Variants in ZC3H3 observed in about 807,000 individuals in gnomAD.
The protein encoded by ZC3H3 is zinc finger CCCH domain-containing protein 3.
ZC3H3 carries 36 observed loss-of-function variants against 77.3 expected under a neutral mutation model. The observed-to-expected ratio is 0.47, with a 90% CI of 0.36 to 0.61. The LOEUF (loss-of-function observed/expected upper bound fraction) is 0.61. ZC3H3 is among the 20% of genes least tolerant of loss of function. The probability of loss-of-function intolerance (pLI) is 0.00; values close to 1 mark genes in which losing one functional copy is unlikely to be tolerated. For missense variants in ZC3H3, 1,331 were observed against 1,312.2 expected (o/e 1.01, Z -0.22); for synonymous variants, 626 against 555.2 (o/e 1.13, Z -1.79).
intron 3 of ZC3H3, among the ~76,000 whole-genome samples, chr8:143,516,102 G>T (rs935689587): frequency 6.6e-6 from 1 of 152,228 alleles, no homozygotes; most frequent in Non-Finnish European, 1.5e-5. Flanking sequence ...TAAATGAGCC[G>T]CAATGGCAAC....
In ZC3H3 at chr8:143,460,249, AAAATAAATAAATAAATAAATAAAT is replaced by A. The variant is rs539928786; in HGVS notation, c.2307+5444_2307+5467del. On this transcript the variant is annotated intron_variant, in intron 9 of 11. Transcript: ENST00000262577. The surrounding 1 kb of genome is among the most constrained non-coding windows in gnomAD (Gnocchi z 4.0). ...GGCGACAGAGTGAGACTATGTCTCA[AAAATAAATAAATAAATAAATAAAT>A]AAATAAATAAATAAATAAAAGGCAT... 6.9e-6 allele frequency among the ~76,000 whole-genome samples: 1 copy of A among 144,118 alleles called. No homozygotes were observed. The highest frequency in any genetic ancestry group is 2.5e-5 in the African/African-American group (1 of 39,578). 94.5% of individuals were successfully genotyped at this position (144,118 alleles called of 152,430 possible).
intron 2 of ZC3H3, among the ~76,000 whole-genome samples, chr8:143,537,010 G>A (rs1320705036): frequency 2.0e-5 from 3 of 151,944 alleles, no homozygotes; most frequent in Non-Finnish European, 4.4e-5. Flanking sequence ...TCTGGGGGAC[G>A]AGGGCCAGAG....
chr8:143,442,444 G>C (rs369383537), intron 9 of ZC3H3, among the ~76,000 whole-genome samples: 1 of 118,668 alleles, frequency 8.4e-6, no homozygotes. Flanking sequence ...GGGGGGGGGG[G>C]GGGCAGGGGC....
At chr8:143,520,894 G>A in intron 3 of ZC3H3, among the ~76,000 whole-genome samples, 1 of 152,204 alleles carries the variant, frequency 6.6e-6, no homozygotes, top group East Asian at 1.9e-4. Context: ...TGCCTCGTTG[G>A]CTGGTGCTCT....
At chr8:143,498,162 G>A (rs1821408889) in intron 4 of ZC3H3, among the ~76,000 whole-genome samples, 1 of 152,184 alleles carries the variant, frequency 6.6e-6, no homozygotes, top group Middle Eastern at 3.2e-3. Flanking sequence ...CACCTGCCTG[G>A]GGGACCCTGG....
At chr8:143,449,341 C>T (rs1282370125) in intron 9 of ZC3H3, among the ~76,000 whole-genome samples, 1 of 152,208 alleles carries the variant, frequency 6.6e-6, no homozygotes, top group Non-Finnish European at 1.5e-5. Context: ...TAAGTTCCAG[C>T]TTGAGGTCAT....
Position 143,468,471 on chromosome 8 carries a change from G to A in ZC3H3, c.2016C>T (p.Tyr672=). The change falls in exon 7 of 12, where the codon TAC becomes TAT. Residue 672 remains tyrosine, a synonymous_variant. Coordinates refer to ENST00000262577, the MANE Select transcript of ZC3H3 (RefSeq NM_015117.3). ...TGCCGAAGCGGTTGTAGTACATGCA[G>A]TACTCCTTCCTCTTCTCCCTGCGCT... is the stretch of plus-strand genomic sequence containing the variant. ...ARQRREKRKE[Y]CMYYNRFGRC... 6.2e-7 allele frequency: 1 copy of A among 1,609,436 alleles called. No individual in the cohort carries two copies.
intron 3 of ZC3H3, among the ~76,000 whole-genome samples, chr8:143,531,373 T>C (rs541453735): frequency 2.5e-4 from 38 of 152,048 alleles, no homozygotes; most frequent in African/African-American, 8.9e-4. Context: ...CCCCCAGGAA[T>C]CCCCTGCCCC....
Position 143,541,444 on chromosome 8 carries a change from C to T in ZC3H3, c.-23G>A. 1 of 1,611,526 alleles carries T rather than the reference C, an allele frequency of 6.2e-7. No individual in the cohort carries two copies. The highest frequency in any genetic ancestry group is 8.5e-7 in the Non-Finnish European group (1 of 1,179,348). On this transcript the variant is annotated 5_prime_UTR_variant, in exon 1 of 12. Coordinates refer to ENST00000262577, the MANE Select transcript of ZC3H3 (RefSeq NM_015117.3). The stretch of plus-strand genomic sequence containing the variant: ...CATCTCCCGAGTCCGCGACGGCCGG[C>T]CAGGCCCCCACGACGTCATCGCTAC...
intron 11 of ZC3H3, 51 bp from the exon 12 acceptor site, chr8:143,438,138 C>T: frequency 1.3e-6 from 2 of 1,579,422 alleles, no homozygotes; most frequent in Non-Finnish European, 1.7e-6. Flanking sequence ...GGAAGAACCT[C>T]CCCAGCCTGC....
chr8:143,470,759 A>G (rs142905648), intron 5 of ZC3H3, among the ~76,000 whole-genome samples: 244 of 152,376 alleles, frequency 1.6e-3, no homozygotes, highest in Middle Eastern at 3.4e-3. Flanking sequence ...TTCTGACAAG[A>G]ACAGGAGGCA....
intron 4 of ZC3H3, among the ~76,000 whole-genome samples, chr8:143,507,478 C>T (rs1273520189): frequency 6.6e-6 from 1 of 152,264 alleles, no homozygotes; most frequent in African/African-American, 2.4e-5. Flanking sequence ...AGCTAATAGG[C>T]TTGCTGAGAA....
At chr8:143,455,502 C>T (rs895507871) in intron 9 of ZC3H3, among the ~76,000 whole-genome samples, 2 of 151,674 alleles carry the variant, frequency 1.3e-5, no homozygotes, top group South Asian at 2.1e-4. Flanking sequence ...CTCTGCCCCC[C>T]CTCCCCAAAA....
At chr8:143,466,533 T>C (rs1365305879) in intron 8 of ZC3H3, among the ~76,000 whole-genome samples, 2 of 152,136 alleles carry the variant, frequency 1.3e-5, no homozygotes, top group Non-Finnish European at 2.9e-5. Flanking sequence ...TTCCTCCCAT[T>C]TGGGGGAACC....
intron 3 of ZC3H3, among the ~76,000 whole-genome samples, chr8:143,529,005 G>C (rs553910922): frequency 5.1e-4 from 77 of 152,348 alleles, no homozygotes; most frequent in Middle Eastern, 3.4e-3. Flanking sequence ...CCATGGTGGC[G>C]GGGTGGCTGG....
At position 143,468,521 on chromosome 8, in the gene ZC3H3, G is replaced by GGCTGC; in HGVS notation, c.1961_1965dup (p.Leu656AlafsTer80). On this transcript the variant is annotated frameshift_variant, in exon 7 of 12. Coordinates refer to ENST00000262577, the MANE Select transcript of ZC3H3 (RefSeq NM_015117.3). LOFTEE classifies it high-confidence loss of function. ...TGCCGCGCCTGCCGGATGATGGCCA[G>GGCTGC]GCTGCGCTGCACTGCCCGGCTGCAG... 1.2e-6 allele frequency: 2 copies of GGCTGC among 1,608,972 alleles called. No individual in the cohort carries two copies. Among genetic ancestry groups the GGCTGC allele is most frequent in the Non-Finnish European group, 8.5e-7 (1 of 1,178,280 alleles).
rs1016680278 is a variant in ZC3H3 at position 143,494,782 on chromosome 8, G to A, written c.1715+12964C>T. Among the ~76,000 whole-genome samples, 6 of 152,326 alleles carry A rather than the reference G, an allele frequency of 3.9e-5. No homozygotes were observed. The South Asian group carries it at 8.3e-4, about 21-fold the overall frequency. On this transcript the variant is annotated intron_variant, in intron 4 of 11. Transcript: ENST00000262577. This position sits in a 1 kb window ranked among gnomAD's most constrained non-coding sequence, Gnocchi z 5.3. Reference sequence around the variant, plus strand: ...GCTGGCTCAGCAAGGTGGGGAAGGGGGCCTCCTGCAGTCAAGAATGAGGAG... The same window carrying A: ...GCTGGCTCAGCAAGGTGGGGAAGGGAGCCTCCTGCAGTCAAGAATGAGGAG...
intron 3 of ZC3H3, among the ~76,000 whole-genome samples, chr8:143,534,833 C>T (rs991685342): frequency 1.3e-5 from 2 of 152,120 alleles, no homozygotes; most frequent in African/African-American, 2.4e-5. Context: ...CAGCAGGTGT[C>T]GGCTAACGGG....
chr8:143,447,415 A>G (rs1819886886), intron 9 of ZC3H3, among the ~76,000 whole-genome samples: 2 of 152,192 alleles, frequency 1.3e-5, no homozygotes, highest in African/African-American at 4.8e-5. Flanking sequence ...CAGTGACTTC[A>G]TGGAATGTAG....
Sources: allele counts gnomAD v4.1 joint callset (sites outside exome capture counted in the v4.1 genomes callset), GRCh38; gene constraint gnomAD v4.1.1; non-coding constraint Gnocchi (gnomAD v3.1); transcripts MANE v1.5; gene names NCBI Gene and HGNC (gene_info 2026-07-23, HGNC 2026-07-21).